The following SHISA9 variants were observed in gnomAD, a reference collection of about 807,000 sequenced individuals.
The protein encoded by SHISA9 is protein shisa-9.
Under a neutral mutation model 38.0 loss-of-function variants are expected in SHISA9, and 13 were observed. The observed-to-expected ratio is 0.34, with a 90% CI of 0.22 to 0.54. The LOEUF (loss-of-function observed/expected upper bound fraction) is 0.54. SHISA9 is among the 20% of genes least tolerant of loss of function. The probability of loss-of-function intolerance (pLI) is 0.91; values close to 1 mark genes in which losing one functional copy is unlikely to be tolerated. For synonymous variants in SHISA9, 275 were observed against 242.0 expected (o/e 1.14, Z -1.27); for missense variants, 538 against 575.8 (o/e 0.93, Z 0.67).
At chr16:13,262,651 AG>A in the SHISA9 span, among the ~76,000 whole-genome samples, 1 of 78,608 alleles carries the variant, frequency 1.3e-5, no homozygotes, top group Non-Finnish European at 2.6e-5. Context: ...GAAGGAAGGA[AG>A]GAAGGAAGGA....
At chr16:12,961,734 A>G (rs868434037) in intron 2 of SHISA9, among the ~76,000 whole-genome samples, 9 of 151,748 alleles carry the variant, frequency 5.9e-5, no homozygotes, top group Admixed American at 2.0e-4. Context: ...TCAGCCCCAG[A>G]AGGCACAGGA....
the SHISA9 span, among the ~76,000 whole-genome samples, chr16:13,440,100 A>C: frequency 2.0e-5 from 3 of 152,170 alleles, no homozygotes; most frequent in African/African-American, 7.2e-5. Context: ...AGGTCTGGTA[A>C]ATTATCAGTC....
chr16:13,187,332 T>TC (rs747280269), intron 2 of SHISA9, among the ~76,000 whole-genome samples: 28,735 of 103,576 alleles, frequency 0.28, 3,365 homozygotes, highest in African/African-American at 0.39. Context: ...TCTTTTCTTT[T>TC]TTTTTTTTTT....
chr16:13,270,061 G>A, the SHISA9 span, among the ~76,000 whole-genome samples: 1 of 152,164 alleles, frequency 6.6e-6, no homozygotes, highest in Non-Finnish European at 1.5e-5. Flanking sequence ...ACCACATTGG[G>A]AGGAAATGTT....
chr16:12,920,795 A>G (rs1283144524), intron 2 of SHISA9, among the ~76,000 whole-genome samples: 1 of 152,194 alleles, frequency 6.6e-6, no homozygotes, highest in Non-Finnish European at 1.5e-5. Flanking sequence ...AACTGTAGAC[A>G]TGTTTGGATT....
At chr16:13,118,822 C>A (rs528495592) in intron 2 of SHISA9, among the ~76,000 whole-genome samples, 35 of 151,256 alleles carry the variant, frequency 2.3e-4, no homozygotes, top group Non-Finnish European at 3.7e-4. Flanking sequence ...CTCCACCTCA[C>A]GGGTTCAAGC....
chr16:13,015,896 T>C lies in SHISA9; in HGVS notation c.691+99081T>C, dbSNP rs536258541. ...TTTCTTTCTTTCTTTCTTTCTTTCT[T>C]TCTTTCTTTCTTTTCTTTCTTTCTC... On this transcript the variant is annotated intron_variant, in intron 2 of 4. Coordinates refer to ENST00000558583, the MANE Select transcript of SHISA9 (RefSeq NM_001145204.3). Among the ~76,000 whole-genome samples, 33 of 125,918 alleles carry C rather than the reference T, an allele frequency of 2.6e-4. 1 individual carries two copies. The highest frequency in any genetic ancestry group is 6.8e-4 in the East Asian group (3 of 4,434). The allele number at this position is 125,918 out of a possible 152,430, so 82.6% of individuals were successfully genotyped here. A position where few individuals can be genotyped will look rare whatever the true frequency, so the allele number is the denominator to read the frequency against.
At chr16:13,343,410 C>G in the SHISA9 span, among the ~76,000 whole-genome samples, 18 of 151,986 alleles carry the variant, frequency 1.2e-4, no homozygotes, top group African/African-American at 4.3e-4. Context: ...AAATAAAATG[C>G]TAATCATCAT....
At chr16:12,981,238 C>T (rs1405375659) in intron 2 of SHISA9, among the ~76,000 whole-genome samples, 2 of 152,206 alleles carry the variant, frequency 1.3e-5, no homozygotes, top group African/African-American at 4.8e-5. Flanking sequence ...CCCCAGATAC[C>T]AGAAACCTAC....
At chr16:13,372,380 A>T in the SHISA9 span, among the ~76,000 whole-genome samples, 16 of 152,350 alleles carry the variant, frequency 1.1e-4, no homozygotes, top group African/African-American at 3.6e-4. Context: ...GCTTATATTC[A>T]GTCTATCTAA....
the SHISA9 span, among the ~76,000 whole-genome samples, chr16:13,289,118 G>T: frequency 1.0e-3 from 159 of 152,254 alleles, no homozygotes; most frequent in African/African-American, 3.7e-3. Flanking sequence ...TGAAATGTGT[G>T]CATTGGCATT....
intron 2 of SHISA9, among the ~76,000 whole-genome samples, chr16:13,110,915 C>T (rs567719396): frequency 4.6e-4 from 70 of 152,262 alleles, no homozygotes; most frequent in African/African-American, 1.3e-3. Flanking sequence ...ATATTTAGTA[C>T]GTGGCTTCTA....
the SHISA9 span, among the ~76,000 whole-genome samples, chr16:13,343,419 A>G: frequency 6.6e-6 from 1 of 152,030 alleles, no homozygotes; most frequent in Non-Finnish European, 1.5e-5. Flanking sequence ...GCTAATCATC[A>G]TCTAATCACC....
chr16:13,280,984 C>T, the SHISA9 span, among the ~76,000 whole-genome samples: 1 of 151,734 alleles, frequency 6.6e-6, no homozygotes, highest in African/African-American at 2.4e-5. Context: ...GCAGTCTTTG[C>T]CACTACTTTT....
Position 13,196,886 on chromosome 16 carries a change from G to A in SHISA9, c.692-6508G>A, listed in dbSNP as rs531974100. Reference sequence around the variant, plus strand: ...AGGCAGGCAGGTCACCTGAGGTCAGGAGTTCAGGACCAGCCTGGCCAACAT... The same window carrying A: ...AGGCAGGCAGGTCACCTGAGGTCAGAAGTTCAGGACCAGCCTGGCCAACAT... On this transcript the variant is annotated intron_variant, in intron 2 of 4. Transcript: ENST00000558583. Among the ~76,000 whole-genome samples, 214 of 152,292 alleles carry A rather than the reference G, an allele frequency of 1.4e-3. 1 individual carries two copies. Among genetic ancestry groups the A allele is most frequent in the African/African-American group, 4.7e-3 (196 of 41,558 alleles).
At chr16:13,113,283 G>A (rs1251337674) in intron 2 of SHISA9, among the ~76,000 whole-genome samples, 1 of 151,550 alleles carries the variant, frequency 6.6e-6, no homozygotes, top group African/African-American at 2.4e-5. Flanking sequence ...AAACTAAAGT[G>A]TTTTCATTTG....
chr16:13,128,009 G>A (rs1271818716), intron 2 of SHISA9, among the ~76,000 whole-genome samples: 1 of 152,140 alleles, frequency 6.6e-6, no homozygotes, highest in Non-Finnish European at 1.5e-5. Flanking sequence ...GTCTGTGAAC[G>A]GGACCTTTCC....
the SHISA9 span, among the ~76,000 whole-genome samples, chr16:13,321,751 T>A: frequency 6.6e-6 from 1 of 152,228 alleles, no homozygotes; most frequent in African/African-American, 2.4e-5. Flanking sequence ...ATGGGATTTG[T>A]CCATTGTTAG....
the SHISA9 span, among the ~76,000 whole-genome samples, chr16:13,553,286 A>G: frequency 6.6e-6 from 1 of 152,218 alleles, no homozygotes; most frequent in East Asian, 1.9e-4. Context: ...TTACTTGACT[A>G]AGATGACACA....
Sources: allele counts gnomAD v4.1 joint callset (sites outside exome capture counted in the v4.1 genomes callset), GRCh38; gene constraint gnomAD v4.1.1; transcripts MANE v1.5; gene names NCBI Gene and HGNC (gene_info 2026-07-23, HGNC 2026-07-21).